The following PTPRR variants were observed in gnomAD, a reference collection of about 807,000 sequenced individuals.
PTPRR encodes protein tyrosine phosphatase receptor type R.
Under a neutral mutation model 77.2 loss-of-function variants are expected in PTPRR, and 38 were observed. The observed-to-expected ratio is 0.49, with a 90% CI of 0.38 to 0.65. PTPRR has a LOEUF of 0.65. PTPRR is among the 30% of genes least tolerant of loss of function. The pLI, the probability that PTPRR is intolerant of heterozygous loss-of-function variation, is 0.00. For synonymous variants in PTPRR, 299 were observed against 283.1 expected, an observed-to-expected ratio of 1.06 and a Z score of -0.57; for missense variants, 744 against 799.2, an observed-to-expected ratio of 0.93 and a Z score of 0.83.
chr12:70,911,520 CA>C (rs1893698885), intron 1 of PTPRR, among the ~76,000 whole-genome samples: 1 of 152,168 alleles, frequency 6.6e-6, no homozygotes, highest in South Asian at 2.1e-4. Context: ...TTTTCAGTCA[CA>C]ATCAGGCATA....
chr12:70,888,018 A>C lies in PTPRR; in HGVS notation c.357+4661T>G, dbSNP rs7971559. On this transcript the variant is annotated intron_variant, in intron 2 of 13. Coordinates refer to ENST00000283228, the MANE Select transcript of PTPRR (RefSeq NM_002849.4). ...TAAGAAGGCAGTCGTGAATGTGTGT[A>C]TGTGTGTGTGTGGGTGTGTGTGTGT... Among the ~76,000 whole-genome samples, 1,037 of 150,978 alleles carry C rather than the reference A, an allele frequency of 6.9e-3. 12 individuals are homozygous for C. The highest frequency in any genetic ancestry group is 0.024 in the African/African-American group (995 of 41,148).
At chr12:70,838,165 AC>A (rs1892336720) in intron 2 of PTPRR, among the ~76,000 whole-genome samples, 1 of 152,150 alleles carries the variant, frequency 6.6e-6, no homozygotes, top group African/African-American at 2.4e-5. Flanking sequence ...TACAAAACAA[AC>A]AAAAATTTCC....
At chr12:70,664,072 T>C (rs984040413) in intron 10 of PTPRR, among the ~76,000 whole-genome samples, 2 of 152,154 alleles carry the variant, frequency 1.3e-5, no homozygotes, top group African/African-American at 4.8e-5. Context: ...GCAGAATCAG[T>C]TTCTTTCATC....
At position 70,760,453 on chromosome 12, in the gene PTPRR, G is replaced by A. The variant is rs1466316317; in HGVS notation, c.627+1018C>T. On this transcript the variant is annotated intron_variant, in intron 4 of 13. Coordinates refer to ENST00000283228, the MANE Select transcript of PTPRR (RefSeq NM_002849.4). Reference sequence around the variant, plus strand: ...CACACCTGTGATACTAAAATGAGAGGCAGTGTGATTTACTGTAAAGGTGAA... The same window carrying A: ...CACACCTGTGATACTAAAATGAGAGACAGTGTGATTTACTGTAAAGGTGAA... Among the ~76,000 whole-genome samples, 5 of 152,262 alleles carry A rather than the reference G, an allele frequency of 3.3e-5. 1 individual carries two copies. The South Asian group carries it at 8.3e-4, about 25-fold the overall frequency.
chr12:70,638,451 A>T lies in PTPRR; in HGVS notation c.*733T>A, dbSNP rs1259205040. The stretch of plus-strand genomic sequence containing the variant: ...GTAAAATGACTCACGATGTGGAAAT[A>T]CAGTGGATAGAGTTCTGGAGCAGAA... On this transcript the variant is annotated 3_prime_UTR_variant, in exon 14 of 14. Transcript: ENST00000283228. The T allele has an allele frequency of 6.6e-6, 1 of 152,630 alleles. No homozygotes were observed. Among genetic ancestry groups the T allele is most frequent in the Non-Finnish European group, 1.5e-5 (1 of 68,040 alleles). 9.5% of individuals were successfully genotyped at this position (152,630 alleles called of 1,614,324 possible). A position where few individuals can be genotyped will look rare whatever the true frequency, so the allele number is the denominator to read the frequency against.
chr12:70,909,349 T>C (rs1286046207), intron 1 of PTPRR, among the ~76,000 whole-genome samples: 8 of 152,186 alleles, frequency 5.3e-5, no homozygotes, highest in African/African-American at 1.9e-4. Context: ...GATTTTCAAA[T>C]TGGAGTATGC....
intron 2 of PTPRR, among the ~76,000 whole-genome samples, chr12:70,820,656 T>C (rs1262348092): frequency 5.3e-5 from 8 of 152,188 alleles, no homozygotes; most frequent in African/African-American, 1.9e-4. Flanking sequence ...TGAGGTCTCA[T>C]CCTTGGGCTC....
chr12:70,892,830 G>A lies in PTPRR; in HGVS notation c.206C>T (p.Ser69Phe), dbSNP rs762234853. 1 of 1,613,616 alleles carries A rather than the reference G, an allele frequency of 6.2e-7. No individual in the cohort carries two copies. Among genetic ancestry groups the A allele is most frequent in the Non-Finnish European group, 8.5e-7 (1 of 1,179,640 alleles). Residue 69 changes from serine to phenylalanine, a missense_variant, in exon 2 of 14, where the codon TCT (serine) becomes TTT (phenylalanine). By Grantham distance (155) the Ser-to-Phe change is radical. This residue lies in a region of PTPRR where 570 missense variants were observed against 573.2 expected (regional missense o/e 0.99). Coordinates refer to ENST00000283228, the MANE Select transcript of PTPRR (RefSeq NM_002849.4). ...GCGTTTGCTTACTTGAGCTTCGGAA[G>A]AGGAATGGTAGCTATGTCTGTAGAT... ...QKIYRHSYHSSSEAQVSKRHQ... is the reference protein window; with the variant it reads ...QKIYRHSYHSFSEAQVSKRHQ...
chr12:70,651,280 G>T (rs1444640527), intron 13 of PTPRR, among the ~76,000 whole-genome samples: 2 of 152,208 alleles, frequency 1.3e-5, no homozygotes, highest in African/African-American at 4.8e-5. Flanking sequence ...GAAAAGAACA[G>T]ATCACTTCGT....
intron 2 of PTPRR, among the ~76,000 whole-genome samples, chr12:70,871,435 C>CTATTCCAAACCTAGATCATT (rs1170520367): frequency 2.6e-5 from 4 of 152,168 alleles, no homozygotes; most frequent in African/African-American, 9.7e-5. Context: ...CTCTTAGAGG[C>CTATTCCAAACCTAGATCATT]TATTCCAAAC....
intron 2 of PTPRR, among the ~76,000 whole-genome samples, chr12:70,819,007 G>A (rs2137038124): frequency 6.6e-6 from 1 of 152,260 alleles, no homozygotes; most frequent in East Asian, 1.9e-4. Context: ...CACAGAAGAG[G>A]AGGAGTAAAA....
At chr12:70,851,656 C>T (rs1377698292) in intron 2 of PTPRR, among the ~76,000 whole-genome samples, 1 of 152,120 alleles carries the variant, frequency 6.6e-6, no homozygotes, top group East Asian at 1.9e-4. Flanking sequence ...ACAATACTTG[C>T]TAGTATTTCT....
chr12:70,757,709 C>T (rs1167101484), intron 4 of PTPRR, among the ~76,000 whole-genome samples: 1 of 152,138 alleles, frequency 6.6e-6, no homozygotes, highest in Non-Finnish European at 1.5e-5. Flanking sequence ...TGCTTTGAGA[C>T]ATCATTCACG....
At position 70,892,832 on chromosome 12, in the gene PTPRR, G is replaced by T; in HGVS notation, c.204C>A (p.Ser68=). The T allele has an allele frequency of 6.2e-7, 1 of 1,613,524 alleles. No individual in the cohort carries two copies. The highest frequency in any genetic ancestry group is 8.5e-7 in the Non-Finnish European group (1 of 1,179,578). The part of the protein sequence containing the change: ...PQKIYRHSYH[S]SSEAQVSKRH... ...GTTTGCTTACTTGAGCTTCGGAAGAGGAATGGTAGCTATGTCTGTAGATTT... is the reference window on the plus strand; with the variant it reads ...GTTTGCTTACTTGAGCTTCGGAAGATGAATGGTAGCTATGTCTGTAGATTT... Residue 68 remains serine, a synonymous_variant, in exon 2 of 14, where the codon TCC becomes TCA. Coordinates refer to ENST00000283228, the MANE Select transcript of PTPRR (RefSeq NM_002849.4).
At chr12:70,884,922 G>A (rs971266102) in intron 2 of PTPRR, among the ~76,000 whole-genome samples, 1 of 146,078 alleles carries the variant, frequency 6.8e-6, no homozygotes, top group Non-Finnish European at 1.5e-5. Context: ...ACATAAAGAG[G>A]AACAGCACTG....
Position 70,733,481 on chromosome 12 carries a change from A to AAAAAAAAAAAAAAAAAAAAAAATTAT in PTPRR, c.1007+12336_1007+12337insATAATTTTTTTTTTTTTTTTTTTTTT, listed in dbSNP as rs1565672469. On this transcript the variant is annotated intron_variant, in intron 6 of 13. Transcript: ENST00000283228. ...AAGAAAAATTATGGCAAAAAAAAAA[A>AAAAAAAAAAAAAAAAAAAAAAATTAT]GAAAAAAAAAGAAAAAAAAAGATTT... Among the ~76,000 whole-genome samples, 38 of 80,806 alleles carry AAAAAAAAAAAAAAAAAAAAAAATTAT rather than the reference A, an allele frequency of 4.7e-4. 1 individual carries two copies. The highest frequency in any genetic ancestry group is 6.9e-4 in the African/African-American group (11 of 15,858). The allele number at this position is 80,806 out of a possible 152,430, so 53.0% of individuals were successfully genotyped here. A position where few individuals can be genotyped will look rare whatever the true frequency, so the allele number is the denominator to read the frequency against.
intron 2 of PTPRR, among the ~76,000 whole-genome samples, chr12:70,803,516 G>A (rs1194789613): frequency 6.6e-6 from 1 of 152,066 alleles, no homozygotes; most frequent in Non-Finnish European, 1.5e-5. Context: ...TGAAGCTTGT[G>A]GTAAAAAGAT....
At chr12:70,891,554 G>A (rs1351158946) in intron 2 of PTPRR, among the ~76,000 whole-genome samples, 1 of 152,026 alleles carries the variant, frequency 6.6e-6, no homozygotes, top group African/African-American at 2.4e-5. Context: ...TTCATCTTGT[G>A]TTCTTAGCTT....
At chr12:70,687,184 A>G (rs186882579) in intron 8 of PTPRR, among the ~76,000 whole-genome samples, 6 of 152,162 alleles carry the variant, frequency 3.9e-5, no homozygotes, top group Admixed American at 2.6e-4. Flanking sequence ...GTCACACAGT[A>G]AGAAATGAAG....
Sources: gnomAD v4.1 joint callset for allele counts (sites outside exome capture counted in the v4.1 genomes callset) on GRCh38, gnomAD v4.1.1 for gene constraint, gnomAD v4.1.1 regional missense constraint, MANE v1.5 for transcripts, NCBI Gene and HGNC (gene_info 2026-07-23, HGNC 2026-07-21) for gene names.